Variants in LMO1 observed in about 807,000 individuals in gnomAD.
LMO1 encodes rhombotin-1.
Under a neutral mutation model 18.0 loss-of-function variants are expected in LMO1, and 10 were observed. The observed-to-expected ratio is 0.55, with a 90% confidence interval of 0.34 to 0.94. The LOEUF is 0.94. Ranked by LOEUF, LMO1 falls within the 40% of genes least tolerant of loss-of-function variation. The pLI, the probability that LMO1 is intolerant of heterozygous loss-of-function variation, is 0.02. For synonymous variants in LMO1, 77 were observed against 77.9 expected, an observed-to-expected ratio of 0.99 and a Z score of 0.06; for missense variants, 183 against 205.7, an observed-to-expected ratio of 0.89 and a Z score of 0.68.
chr11:8,239,185 T>C (rs539077134), intron 1 of LMO1, among the ~76,000 whole-genome samples: 70 of 152,318 alleles, frequency 4.6e-4, no homozygotes, highest in Non-Finnish European at 5.9e-5. Context: ...CGCCCAGGGC[T>C]TCCCTGCACA....
intron 3 of LMO1, among the ~76,000 whole-genome samples, 179 bp from the exon 4 acceptor site, chr11:8,224,900 T>C (rs1451447583): frequency 6.6e-6 from 1 of 151,678 alleles, no homozygotes; most frequent in East Asian, 2.0e-4. Flanking sequence ...CCTGGGCAAT[T>C]CCCCCAGGCC....
chr11:8,263,301 G>C (rs1053526585), intron 1 of LMO1, 37 bp downstream of exon 1: 2 of 1,585,108 alleles, frequency 1.3e-6, no homozygotes, highest in South Asian at 2.2e-5. Flanking sequence ...AGGGGGCGAG[G>C]GGGTGAGGGG....
At chr11:8,232,354 G>A (rs562619041) in intron 1 of LMO1, among the ~76,000 whole-genome samples, 14 of 152,340 alleles carry the variant, frequency 9.2e-5, no homozygotes, top group Admixed American at 8.5e-4. Flanking sequence ...CTCTGAAAGA[G>A]CCCAAGGAGG....
At chr11:8,251,278 T>A (rs1487373088) in intron 1 of LMO1, among the ~76,000 whole-genome samples, 2 of 152,136 alleles carry the variant, frequency 1.3e-5, no homozygotes, top group African/African-American at 4.8e-5. Context: ...AGAGCTGGGA[T>A]GTGGATGCAG....
intron 3 of LMO1, among the ~76,000 whole-genome samples, chr11:8,225,800 G>T (rs1952528569): frequency 6.6e-6 from 1 of 152,214 alleles, no homozygotes; most frequent in South Asian, 2.1e-4. Context: ...AGCAGGTCCG[G>T]CCAGAGCCCC....
intron 1 of LMO1, among the ~76,000 whole-genome samples, chr11:8,232,897 C>T (rs1349959959): frequency 6.6e-6 from 1 of 152,190 alleles, no homozygotes; most frequent in African/African-American, 2.4e-5. Context: ...GGCTGGTCTT[C>T]CGAGCTCAGA....
At chr11:8,226,464 G>C (rs562977364) in intron 3 of LMO1, among the ~76,000 whole-genome samples, 248 of 152,286 alleles carry the variant, frequency 1.6e-3, no homozygotes, top group African/African-American at 5.8e-3. Flanking sequence ...CGTGAGCCAA[G>C]ATTGTGAGAT....
intron 1 of LMO1, among the ~76,000 whole-genome samples, chr11:8,234,348 T>A (rs1184251010): frequency 6.6e-6 from 1 of 151,742 alleles, no homozygotes; most frequent in Non-Finnish European, 1.5e-5. Flanking sequence ...ACTCTCTCCC[T>A]CCAGCCCGGA....
At chr11:8,236,678 G>T (rs1952766352) in intron 1 of LMO1, among the ~76,000 whole-genome samples, 1 of 152,100 alleles carries the variant, frequency 6.6e-6, no homozygotes, top group South Asian at 2.1e-4. Context: ...GCAGCACACA[G>T]ATACTTCCCC....
intron 1 of LMO1, among the ~76,000 whole-genome samples, chr11:8,262,727 G>T (rs1013184878): frequency 6.6e-6 from 1 of 152,202 alleles, no homozygotes; most frequent in African/African-American, 2.4e-5. Flanking sequence ...GGAGCTAGCG[G>T]GCCGGCACAA....
At chr11:8,240,476 A>C (rs567461562) in intron 1 of LMO1, among the ~76,000 whole-genome samples, 1 of 152,190 alleles carries the variant, frequency 6.6e-6, no homozygotes, top group Non-Finnish European at 1.5e-5. Context: ...TCAGGCTGCC[A>C]TAACAGAATA....
In LMO1 at chr11:8,245,800, G is replaced by C. The variant is rs528609147; in HGVS notation, c.26-15296C>G. 1.2e-4 allele frequency among the ~76,000 whole-genome samples: 19 copies of C among 152,292 alleles called. No individual in the cohort carries two copies. The South Asian group carries it at 3.9e-3, about 32-fold the overall frequency. ...GTGTTGCTATAAAGACATAGCTGAG[G>C]CTGGGTAATTTGTAAAGAAAAGAGG... On this transcript the variant is annotated intron_variant, in intron 1 of 3. Coordinates refer to ENST00000335790, the MANE Select transcript of LMO1 (RefSeq NM_002315.3).
intron 1 of LMO1, among the ~76,000 whole-genome samples, chr11:8,238,741 G>A (rs1297743415): frequency 1.3e-5 from 2 of 151,830 alleles, no homozygotes; most frequent in African/African-American, 4.8e-5. Flanking sequence ...TCAACTGAGA[G>A]GAGGACAAGG....
chr11:8,241,771 CT>C (rs1846797600), intron 1 of LMO1, among the ~76,000 whole-genome samples: 1 of 147,266 alleles, frequency 6.8e-6, no homozygotes, highest in Non-Finnish European at 1.5e-5. Context: ...AATTGTTTTA[CT>C]TTTCTGTGAG....
At chr11:8,236,403 A>G (rs1378039794) in intron 1 of LMO1, among the ~76,000 whole-genome samples, 1 of 151,582 alleles carries the variant, frequency 6.6e-6, no homozygotes, top group Admixed American at 6.6e-5. Context: ...CAAGGTCTCA[A>G]CTATGTTGCC....
In LMO1 at chr11:8,230,306, C is replaced by T. The variant is rs748397251; in HGVS notation, c.224G>A (p.Arg75Gln). The stretch of plus-strand genomic sequence containing the variant: ...GGCAGCCCACCTCAGGTAGTCGCGT[C>T]GGCACAGGATGAGGTTGGCCTTGGT... ...LYTKANLILC[R>Q]RDYLRLFGTT... The change falls in exon 2 of 4, where the codon CGA becomes CAA. Residue 75 changes from arginine (R) to glutamine (Q), a missense_variant. Transcript: ENST00000335790. The T allele has an allele frequency of 7.4e-6, 12 of 1,613,600 alleles. No homozygotes were observed. Among genetic ancestry groups the T allele is most frequent in the East Asian group, 4.5e-5 (2 of 44,886 alleles).
Position 8,224,461 on chromosome 11 carries a change from G to A in LMO1, c.*155C>T, listed in dbSNP as rs1406919175. 4 of 605,758 alleles carry A rather than the reference G, an allele frequency of 6.6e-6. No individual in the cohort carries two copies. The East Asian group carries it at 1.1e-4, about 17-fold the overall frequency. 37.5% of individuals were successfully genotyped at this position (605,758 alleles called of 1,614,324 possible). ...CACACACAGACGGGCGGTGGTGGAG[G>A]AGGAAGGGCCATCCCTCCCATCGAG... On this transcript the variant is annotated 3_prime_UTR_variant, in exon 4 of 4. Transcript: ENST00000335790.
At chr11:8,267,425 G>T (rs1290276467), upstream of LMO1, among the ~76,000 whole-genome samples, 1 of 152,248 alleles carries the variant, frequency 6.6e-6, no homozygotes, top group Non-Finnish European at 1.5e-5. Flanking sequence ...CTGCAGCCCA[G>T]AAGTTGCCTC....
chr11:8,239,066 T>A (rs1952810044), intron 1 of LMO1, among the ~76,000 whole-genome samples: 2 of 152,182 alleles, frequency 1.3e-5, no homozygotes, highest in Admixed American at 6.5e-5. Context: ...GAGAAGACGG[T>A]GGCCTGGGAA....
Sources: gnomAD v4.1 joint callset for allele counts (sites outside exome capture counted in the v4.1 genomes callset) on GRCh38, gnomAD v4.1.1 for gene constraint, MANE v1.5 for transcripts, NCBI Gene and HGNC (gene_info 2026-07-23, HGNC 2026-07-21) for gene names.